The following GLIPR1L2 variants were observed in gnomAD, a reference collection of about 807,000 sequenced individuals.
GLIPR1L2 encodes GLIPR1-like protein 2.
In GLIPR1L2, 21 loss-of-function variants were observed where a neutral mutation model predicts 28.4. That is an observed-to-expected ratio of 0.74 (90% confidence interval 0.52 to 1.06). The LOEUF (loss-of-function observed/expected upper bound fraction) is 1.06, where lower values mean the gene tolerates loss of function less well. Among genes scored for constraint, GLIPR1L2 ranks in the 50% least tolerant of loss-of-function variants. The pLI is 0.00. For missense variants in GLIPR1L2, 476 were observed against 416.9 expected (o/e 1.14, Z -1.23); for synonymous variants, 145 against 139.3 (o/e 1.04, Z -0.29).
chr12:75,420,991 C>A (rs1452444827), intron 3 of GLIPR1L2, among the ~76,000 whole-genome samples: 1 of 152,154 alleles, frequency 6.6e-6, no homozygotes, highest in Admixed American at 6.5e-5. Flanking sequence ...AGATATCAGA[C>A]ATTATGATCT....
At chr12:75,430,265 C>T (rs1387751410) in intron 4 of GLIPR1L2, among the ~76,000 whole-genome samples, 1 of 152,072 alleles carries the variant, frequency 6.6e-6, no homozygotes, top group Non-Finnish European at 1.5e-5. Flanking sequence ...GCTAACTTTA[C>T]CTTCTGGGAA....
Position 75,431,247 on chromosome 12 carries a change from A to G in GLIPR1L2, c.*86A>G. ...AAGACAGAAAAAAAAAAAAAGTAAA[A>G]CACTGAGTTTTAACAAGAAAGAAAA... On this transcript the variant is annotated 3_prime_UTR_variant, in exon 6 of 6. Transcript: ENST00000550916. The G allele has an allele frequency of 1.7e-6, 1 of 592,522 alleles. No homozygotes were observed. Among genetic ancestry groups the G allele is most frequent in the East Asian group, 2.8e-5 (1 of 36,206 alleles). The allele number at this position is 592,522 out of a possible 1,614,324, so 36.7% of individuals were successfully genotyped here.
At chr12:75,394,129 G>A (rs964901430) in intron 1 of GLIPR1L2, among the ~76,000 whole-genome samples, 1 of 151,888 alleles carries the variant, frequency 6.6e-6, no homozygotes, top group Admixed American at 6.6e-5. Context: ...TTTTGTTGTT[G>A]AATTATAGGA....
chr12:75,410,821 A>C, intron 2 of GLIPR1L2, 142 bp downstream of exon 2: 1 of 634,242 alleles, frequency 1.6e-6, no homozygotes, highest in Non-Finnish European at 2.5e-6. Context: ...CAATCTTCCT[A>C]GTCTTCAAAA....
chr12:75,409,671 G>GAT (rs1416168310), intron 1 of GLIPR1L2, among the ~76,000 whole-genome samples: 42 of 142,762 alleles, frequency 2.9e-4, no homozygotes, highest in Non-Finnish European at 5.2e-4. Flanking sequence ...TATGTAATCT[G>GAT]ATATATATAT....
intron 4 of GLIPR1L2, among the ~76,000 whole-genome samples, chr12:75,425,426 G>A (rs2046024551): frequency 6.6e-6 from 1 of 152,186 alleles, no homozygotes; most frequent in African/African-American, 2.4e-5. Context: ...AAGTTTTAAT[G>A]TGGGGAAGAT....
intron 3 of GLIPR1L2, among the ~76,000 whole-genome samples, chr12:75,416,045 T>C (rs4533075): frequency 0.35 from 52,997 of 151,864 alleles, 9,609 homozygotes; most frequent in East Asian, 0.46. Context: ...CTGCCTACCA[T>C]AGAATGGAAA....
intron 1 of GLIPR1L2, among the ~76,000 whole-genome samples, chr12:75,402,628 G>A (rs541480837): frequency 2.6e-5 from 4 of 151,990 alleles, no homozygotes; most frequent in Non-Finnish European, 5.9e-5. Flanking sequence ...ATATTTTGAC[G>A]AAGACTCTGA....
At chr12:75,425,240 G>A (rs61932214) in intron 4 of GLIPR1L2, among the ~76,000 whole-genome samples, 5,563 of 152,226 alleles carry the variant, frequency 0.037, 129 homozygotes, top group South Asian at 0.074. Context: ...GAGCCAGTGA[G>A]GAAGGCATCC....
At chr12:75,411,922 G>A (rs955536750) in intron 2 of GLIPR1L2, among the ~76,000 whole-genome samples, 2 of 151,872 alleles carry the variant, frequency 1.3e-5, no homozygotes, top group Non-Finnish European at 2.9e-5. Context: ...ATAATTTCTG[G>A]AATGCCTTTG....
intron 3 of GLIPR1L2, among the ~76,000 whole-genome samples, chr12:75,418,385 T>A (rs189423062): frequency 2.6e-5 from 4 of 152,282 alleles, no homozygotes; most frequent in Non-Finnish European, 5.9e-5. Flanking sequence ...TTACTTACAA[T>A]TTGGAAGGTA....
chr12:75,409,590 T>C (rs12810160), intron 1 of GLIPR1L2, among the ~76,000 whole-genome samples: 1 of 132,650 alleles, frequency 7.5e-6, no homozygotes, highest in African/African-American at 2.6e-5. Context: ...CACACACACA[T>C]ATATATATTC....
Position 75,391,100 on chromosome 12 carries a change from T to A in GLIPR1L2, c.-17T>A. ...CGGCCAGCGCGTGCGCACTGGCCTG[T>A]CAGCGGCCGGTGGACCATGGAGGCC... is the stretch of plus-strand genomic sequence containing the variant. On this transcript the variant is annotated 5_prime_UTR_variant, in exon 1 of 6. Transcript: ENST00000550916. 1 of 1,591,080 alleles carries A rather than the reference T, an allele frequency of 6.3e-7. No individual in the cohort carries two copies. Among genetic ancestry groups the A allele is most frequent in the South Asian group, 1.1e-5 (1 of 90,460 alleles).
intron 1 of GLIPR1L2, among the ~76,000 whole-genome samples, chr12:75,399,830 T>C (rs949079593): frequency 6.6e-6 from 1 of 152,208 alleles, no homozygotes; most frequent in African/African-American, 2.4e-5. Flanking sequence ...GAAAGCAAAA[T>C]GATATAGTCC....
intron 3 of GLIPR1L2, among the ~76,000 whole-genome samples, chr12:75,414,836 T>C (rs145572546): frequency 4.7e-4 from 71 of 152,196 alleles, no homozygotes; most frequent in Middle Eastern, 3.4e-3. Context: ...GGCTCTGTTT[T>C]TTCTGCTAAC....
rs2046088738 is a variant in GLIPR1L2 at position 75,431,115 on chromosome 12, A to C, written c.989A>C (p.Glu330Ala). 3.0e-6 allele frequency: 3 copies of C among 1,007,730 alleles called. No individual in the cohort carries two copies. The South Asian group carries it at 4.2e-5, about 14-fold the overall frequency. The allele number at this position is 1,007,730 out of a possible 1,614,324, so 62.4% of individuals were successfully genotyped here. A position where few individuals can be genotyped will look rare whatever the true frequency, so the allele number is the denominator to read the frequency against. ...GAGGAAAAAGAAGAGAGAGAGGAGGAGGAGGAGGAAACACAAAAAGAAAAG... is the reference window on the plus strand; with the variant it reads ...GAGGAAAAAGAAGAGAGAGAGGAGGCGGAGGAGGAAACACAAAAAGAAAAG... Reference protein sequence around the residue: ...MEEEKEEREEEEEETQKEKME... With the variant: ...MEEEKEEREEAEEETQKEKME... Residue 330 changes from glutamate to alanine, a missense_variant, in exon 6 of 6, where the codon GAG becomes GCG. Coordinates refer to ENST00000550916, the MANE Select transcript of GLIPR1L2 (RefSeq NM_001270396.2).
At chr12:75,391,505 A>ACTC in intron 1 of GLIPR1L2, 155 bp downstream of exon 1, 1 of 1,537,894 alleles carries the variant, frequency 6.5e-7, no homozygotes, top group South Asian at 1.2e-5. Context: ...GTTTACACAG[A>ACTC]GAAAAACTGC....
At chr12:75,391,676 T>C (rs943454903) in intron 1 of GLIPR1L2, 1 of 550,654 alleles carries the variant, frequency 1.8e-6, no homozygotes, top group Admixed American at 3.0e-5. Context: ...TGCAAAAATA[T>C]CAATATCAAG....
intron 1 of GLIPR1L2, among the ~76,000 whole-genome samples, chr12:75,407,665 G>A (rs1384649202): frequency 6.6e-6 from 1 of 152,046 alleles, no homozygotes; most frequent in Non-Finnish European, 1.5e-5. Flanking sequence ...TTAAATTGTA[G>A]AAAAGTAATT....
Sources: allele counts gnomAD v4.1 joint callset (sites outside exome capture counted in the v4.1 genomes callset), GRCh38; gene constraint gnomAD v4.1.1; transcripts MANE v1.5; gene names NCBI Gene and HGNC (gene_info 2026-07-23, HGNC 2026-07-21).